Variants in NOS1AP observed in about 807,000 individuals in gnomAD.
The protein encoded by NOS1AP is nitric oxide synthase 1 adaptor protein.
NOS1AP carries 21 observed loss-of-function variants against 56.2 expected under a neutral mutation model. The ratio of observed to expected loss-of-function variants is 0.37; its 90% CI spans 0.26 to 0.54. NOS1AP has a LOEUF of 0.54. Ranked by LOEUF, NOS1AP falls within the 20% of genes least tolerant of loss-of-function variation. The probability of loss-of-function intolerance (pLI) is 0.84; values close to 1 mark genes in which losing one functional copy is unlikely to be tolerated. For synonymous variants in NOS1AP, 270 were observed against 274.6 expected (o/e 0.98, Z 0.17); for missense variants, 522 against 657.8 (o/e 0.79, Z 2.26).
chr1:162,226,572 T>C (rs998626181), intron 2 of NOS1AP, among the ~76,000 whole-genome samples: 7 of 152,208 alleles, frequency 4.6e-5, no homozygotes, highest in Non-Finnish European at 8.8e-5. Context: ...GTAAGGATTG[T>C]AAGGGGACCC....
chr1:162,227,723 T>A (rs1652988121), intron 2 of NOS1AP, among the ~76,000 whole-genome samples: 1 of 152,204 alleles, frequency 6.6e-6, no homozygotes, highest in Non-Finnish European at 1.5e-5. Context: ...TTGTATATCC[T>A]ATTGGTCAAG....
intron 2 of NOS1AP, among the ~76,000 whole-genome samples, chr1:162,157,650 T>C (rs1650028215): frequency 6.6e-6 from 1 of 152,148 alleles, no homozygotes; most frequent in Admixed American, 6.6e-5. Flanking sequence ...GGATCACATG[T>C]GTGTGAGATG....
At position 162,251,602 on chromosome 1, in the gene NOS1AP, ATGTGTG is replaced by A. The variant is rs35955567; in HGVS notation, c.178-35716_178-35711del. 3.1e-3 allele frequency among the ~76,000 whole-genome samples: 453 copies of A among 146,248 alleles called. 2 individuals are homozygous for A. Among genetic ancestry groups the A allele is most frequent in the African/African-American group, 5.4e-3 (217 of 39,918 alleles). ...GGCTGGGTTTATTTAAAATATATAT[ATGTGTG>A]TGTGTGTGTGTGTGTGTGTGTGTGT... On this transcript the variant is annotated intron_variant, in intron 2 of 9. Transcript: ENST00000361897.
At chr1:162,283,127 A>C (rs1184057012) in intron 2 of NOS1AP, among the ~76,000 whole-genome samples, 1 of 151,480 alleles carries the variant, frequency 6.6e-6, no homozygotes, top group Non-Finnish European at 1.5e-5. Flanking sequence ...TGTGTTAAAA[A>C]TCCATGGATA....
chr1:162,354,749 C>G (rs529529957), intron 6 of NOS1AP, among the ~76,000 whole-genome samples: 1 of 152,222 alleles, frequency 6.6e-6, no homozygotes, highest in Non-Finnish European at 1.5e-5. Context: ...GTTAAAGAAA[C>G]ATGGCCCAGA....
chr1:162,161,285 GC>G (rs1650205407), intron 2 of NOS1AP, among the ~76,000 whole-genome samples: 1 of 152,186 alleles, frequency 6.6e-6, no homozygotes, highest in African/African-American at 2.4e-5. Flanking sequence ...TCTTTGGGGG[GC>G]TTTGAGTCTG....
At chr1:162,352,725 G>A (rs753522022) in intron 6 of NOS1AP, among the ~76,000 whole-genome samples, 11 of 151,630 alleles carry the variant, frequency 7.3e-5, no homozygotes, top group Non-Finnish European at 1.2e-4. Flanking sequence ...TCTTATAAGG[G>A]CATGAATCCC....
At chr1:162,116,605 G>A (rs1162338632) in intron 1 of NOS1AP, among the ~76,000 whole-genome samples, 2 of 152,228 alleles carry the variant, frequency 1.3e-5, no homozygotes, top group African/African-American at 4.8e-5. Context: ...ATCAGCCATA[G>A]TTAGGGACAA....
intron 2 of NOS1AP, among the ~76,000 whole-genome samples, chr1:162,269,323 T>C (rs1460560969): frequency 1.3e-5 from 2 of 152,240 alleles, no homozygotes; most frequent in Admixed American, 1.3e-4. Context: ...AAATTGAATT[T>C]CCTTTTATTC....
At position 162,137,972 on chromosome 1, in the gene NOS1AP, G is replaced by A. The variant is rs141516037; in HGVS notation, c.106-16433G>A. ...GAATACTAGGTGGGTAAGAGGGGGT[G>A]CTGGTGTGGTCAGTGAAGCCACTGT... On this transcript the variant is annotated intron_variant, in intron 1 of 9. Transcript: ENST00000361897. Among the ~76,000 whole-genome samples the A allele has an allele frequency of 7.2e-3, 1,098 of 152,256 alleles. 6 individuals are homozygous for A. The highest frequency in any genetic ancestry group is 0.011 in the South Asian group (54 of 4,810).
intron 8 of NOS1AP, chr1:162,365,122 C>T (rs1571249154): frequency 5.1e-6 from 7 of 1,383,566 alleles, no homozygotes; most frequent in Middle Eastern, 5.5e-4. Context: ...TCTAGAGGGT[C>T]GATGGCTCTT....
intron 1 of NOS1AP, among the ~76,000 whole-genome samples, chr1:162,100,060 C>T (rs1331260406): frequency 2.0e-5 from 3 of 151,930 alleles, no homozygotes; most frequent in Non-Finnish European, 2.9e-5. Context: ...GGTTCCAAGT[C>T]TTTGCTATTG....
At chr1:162,128,591 T>G (rs1343546904) in intron 1 of NOS1AP, among the ~76,000 whole-genome samples, 1 of 152,212 alleles carries the variant, frequency 6.6e-6, no homozygotes, top group Non-Finnish European at 1.5e-5. Flanking sequence ...TCAAAAAAAT[T>G]TGTATTCCAA....
intron 2 of NOS1AP, among the ~76,000 whole-genome samples, chr1:162,249,478 C>A (rs1252723840): frequency 6.6e-6 from 1 of 152,118 alleles, no homozygotes; most frequent in East Asian, 1.9e-4. Flanking sequence ...TCAAATGCAG[C>A]AGTTTTGTTA....
At chr1:162,163,548 T>C (rs546664352) in intron 2 of NOS1AP, among the ~76,000 whole-genome samples, 3 of 152,254 alleles carry the variant, frequency 2.0e-5, no homozygotes, top group Non-Finnish European at 4.4e-5. Flanking sequence ...TTGCACAGAC[T>C]GTTGCGGAAG....
chr1:162,204,784 T>G (rs1026801369), intron 2 of NOS1AP, among the ~76,000 whole-genome samples: 38 of 152,360 alleles, frequency 2.5e-4, no homozygotes, highest in African/African-American at 8.7e-4. Context: ...GAAATCATTA[T>G]GAATCTGAAT....
intron 2 of NOS1AP, among the ~76,000 whole-genome samples, chr1:162,173,845 A>G (rs1032015534): frequency 7.9e-5 from 12 of 152,264 alleles, no homozygotes; most frequent in Admixed American, 5.9e-4. Context: ...AATGCAAATC[A>G]AAACCACAAT....
intron 2 of NOS1AP, among the ~76,000 whole-genome samples, chr1:162,209,569 A>G (rs1652275288): frequency 6.6e-6 from 1 of 152,224 alleles, no homozygotes; most frequent in Admixed American, 6.5e-5. Flanking sequence ...TGAAGGAAGA[A>G]GAATAAATGA....
At chr1:162,338,775 A>G (rs1443979126) in intron 5 of NOS1AP, 1 of 152,210 alleles carries the variant, frequency 6.6e-6, no homozygotes, top group African/African-American at 2.4e-5. Context: ...AGGTACAGGA[A>G]TCAACCTTTT....
Sources: gnomAD v4.1 joint callset for allele counts (sites outside exome capture counted in the v4.1 genomes callset) on GRCh38, gnomAD v4.1.1 for gene constraint, MANE v1.5 for transcripts, NCBI Gene and HGNC (gene_info 2026-07-23, HGNC 2026-07-21) for gene names.